CELSR3: variants seen among roughly 807,000 people sequenced by gnomAD.
CELSR3 encodes EGF-like protein 1.
CELSR3 carries 73 observed loss-of-function variants against 270.0 expected under a neutral mutation model. The observed-to-expected ratio is 0.27, with a 90% CI of 0.22 to 0.33. The LOEUF (loss-of-function observed/expected upper bound fraction) is 0.33. Ranked by LOEUF, CELSR3 falls within the 10% of genes least tolerant of loss-of-function variation. The pLI is 1.00. For missense variants in CELSR3, 3,614 were observed against 4,533.8 expected, an observed-to-expected ratio of 0.80 and a Z score of 5.83; for synonymous variants, 1,780 against 1,905.4, an observed-to-expected ratio of 0.93 and a Z score of 1.71.
rs368720098 is a variant in CELSR3 at position 48,646,052 on chromosome 3, C to T, written c.7463+38G>A. ...GGACTATTAGTTGGCCTCCCAAGGG[C>T]TAACGGGACCAAGGGTTTCCAGAAT... On this transcript the variant is annotated intron_variant, in intron 22 of 34. Transcript: ENST00000164024. The surrounding 1 kb of genome is among the most constrained non-coding windows in gnomAD (Gnocchi z 4.8). The T allele has an allele frequency of 6.7e-5, 107 of 1,608,786 alleles. No individual in the cohort carries two copies. Among genetic ancestry groups the T allele is most frequent in the Non-Finnish European group, 8.6e-5 (101 of 1,177,530 alleles).
Position 48,646,688 on chromosome 3 carries a change from C to T in CELSR3, c.7295+75G>A, listed in dbSNP as rs76029109. 99 of 1,438,082 alleles carry T rather than the reference C, an allele frequency of 6.9e-5. No individual in the cohort carries two copies. In the African/African-American group the frequency reaches 1.0e-3, roughly 15 times the overall value. The allele number at this position is 1,438,082 out of a possible 1,614,324, so 89.1% of individuals were successfully genotyped here. On this transcript the variant is annotated intron_variant, in intron 21 of 34. Transcript: ENST00000164024. The surrounding 1 kb of genome is among the most constrained non-coding windows in gnomAD (Gnocchi z 4.8). ...CTCCTCTCTGTGTGTTGTGAACCTA[C>T]GCATCTACCCACCAAAAAAGGGGCT...
Position 48,660,784 on chromosome 3 carries a change from G to A in CELSR3, c.1851C>T (p.Ala617=). 1 of 1,614,160 alleles carries A rather than the reference G, an allele frequency of 6.2e-7. No homozygotes were observed. Among genetic ancestry groups the A allele is most frequent in the South Asian group, 1.1e-5 (1 of 91,088 alleles). ...PLDFEAEREY[A]LRIRAQDAGR... is the part of the protein sequence containing the mutation. ...CAGCATCCTGCGCCCTGATGCGCAA[G>A]GCATACTCTCTCTCTGCCTCGAAGT... The change falls in exon 1 of 35, where the codon GCC becomes GCT. Residue 617 remains alanine (A), a synonymous_variant. Transcript: ENST00000164024. The surrounding 1 kb of genome is among the most constrained non-coding windows in gnomAD (Gnocchi z 5.5).
At position 48,644,670 on chromosome 3, in the gene CELSR3, A is replaced by T; in HGVS notation, c.8085+46T>A. ...TGAGTCCACTGCACCTCCTCCCCCAATGAGGGAGGGAAGTACAGAGGGGGC... is the reference window on the plus strand; with the variant it reads ...TGAGTCCACTGCACCTCCTCCCCCATTGAGGGAGGGAAGTACAGAGGGGGC... On this transcript the variant is annotated intron_variant, in intron 26 of 34. Transcript: ENST00000164024. This position sits in a 1 kb window ranked among gnomAD's most constrained non-coding sequence, Gnocchi z 4.8. The T allele has an allele frequency of 2.1e-6, 3 of 1,441,344 alleles. No homozygotes were observed. Among genetic ancestry groups the T allele is most frequent in the Admixed American group, 1.7e-5 (1 of 58,944 alleles). 89.3% of individuals were successfully genotyped at this position (1,441,344 alleles called of 1,614,324 possible).
chr3:48,656,398 G>A, intron 2 of CELSR3, 33 bp from the exon 3 acceptor site: 1 of 1,387,644 alleles, frequency 7.2e-7, no homozygotes, highest in Non-Finnish European at 9.3e-7. Context: ...AGGCGGTCAC[G>A]CCCACGCCCG....
Position 48,648,382 on chromosome 3 carries a change from C to T in CELSR3, c.6857G>A (p.Gly2286Glu). Residue 2286 changes from glycine (G) to glutamate (E), a missense_variant, in exon 19 of 35, where the codon GGG becomes GAG. Around this residue, in one of 7 missense-constraint regions of CELSR3, gnomAD observed 1,331 missense variants for 1,933.7 expected, o/e 0.69. Coordinates refer to ENST00000164024, the MANE Select transcript of CELSR3 (RefSeq NM_001407.3). Reference sequence around the variant, plus strand: ...CAGTCCCGCGCTGCCTGGGGAGCCCCCAGGGGCCCGCTGCCCCAGCGCCGC... The same window carrying T: ...CAGTCCCGCGCTGCCTGGGGAGCCCTCAGGGGCCCGCTGCCCCAGCGCCGC... The part of the protein sequence containing the change: ...LWAALGQRAP[G>E]GSPGSAGLVR... 1 of 1,611,512 alleles carries T rather than the reference C, an allele frequency of 6.2e-7. No individual in the cohort carries two copies. Among genetic ancestry groups the T allele is most frequent in the Non-Finnish European group, 8.5e-7 (1 of 1,179,500 alleles).
intron 16 of CELSR3, among the ~76,000 whole-genome samples, chr3:48,649,839 G>A (rs190228715): frequency 2.0e-5 from 3 of 152,250 alleles, no homozygotes; most frequent in East Asian, 1.9e-4. Context: ...TCACAGACAC[G>A]TGCACAGGCA....
In CELSR3 at chr3:48,646,037, T is replaced by C; in HGVS notation, c.7463+53A>G. 1 of 1,599,880 alleles carries C rather than the reference T, an allele frequency of 6.3e-7. No individual in the cohort carries two copies. Among genetic ancestry groups the C allele is most frequent in the Non-Finnish European group, 8.5e-7 (1 of 1,171,380 alleles). ...CCCAGGGGAAGGCTGGGACTATTAGTTGGCCTCCCAAGGGCTAACGGGACC... is the reference window on the plus strand; with the variant it reads ...CCCAGGGGAAGGCTGGGACTATTAGCTGGCCTCCCAAGGGCTAACGGGACC... On this transcript the variant is annotated intron_variant, in intron 22 of 34. Coordinates refer to ENST00000164024, the MANE Select transcript of CELSR3 (RefSeq NM_001407.3). This position sits in a 1 kb window ranked among gnomAD's most constrained non-coding sequence, Gnocchi z 4.8.
At position 48,651,354 on chromosome 3, in the gene CELSR3, C is replaced by T. The variant is rs752405672; in HGVS notation, c.6186+5G>A. 6.2e-6 allele frequency: 10 copies of T among 1,613,894 alleles called. No individual in the cohort carries two copies. The highest frequency in any genetic ancestry group is 8.5e-6 in the Non-Finnish European group (10 of 1,179,868). ...AAGGGTTAAAAGGTCAGGGGCCAGG[C>T]GCACCTTGCAGTGACACTGCCCATT... On this transcript the variant is annotated splice_donor_5th_base_variant and intron_variant, in intron 14 of 34. Coordinates refer to ENST00000164024, the MANE Select transcript of CELSR3 (RefSeq NM_001407.3). The surrounding 1 kb of genome is among the most constrained non-coding windows in gnomAD (Gnocchi z 7.4).
intron 20 of CELSR3, 85 bp from the exon 21 acceptor site, chr3:48,647,013 G>A: frequency 7.6e-7 from 1 of 1,321,852 alleles, no homozygotes; most frequent in Non-Finnish European, 1.0e-6. Context: ...ATCAAGCATG[G>A]GGGTCTCTTC....
At position 48,656,232 on chromosome 3, in the gene CELSR3, C is replaced by T. The variant is rs770247363; in HGVS notation, c.4533G>A (p.Pro1511=). Reference sequence around the variant, plus strand: ...AGGAGCGCGCAGCCACCTCGCAGCGCGGGCCCTCGAAGGCGCCGCCTGCCG... The same window carrying T: ...AGGAGCGCGCAGCCACCTCGCAGCGTGGGCCCTCGAAGGCGCCGCCTGCCG... ...QCPAGGAFEG[P]RCEVAARSFP... The change falls in exon 3 of 35, where the codon CCG becomes CCA. Residue 1511 remains proline (P), a synonymous_variant. Transcript: ENST00000164024. 8 of 1,535,258 alleles carry T rather than the reference C, an allele frequency of 5.2e-6. No homozygotes were observed. Among genetic ancestry groups the T allele is most frequent in the Non-Finnish European group, 6.1e-6 (7 of 1,146,638 alleles).
chr3:48,642,683 G>C lies in CELSR3; in HGVS notation c.8555+53C>G, dbSNP rs551673649. Reference sequence around the variant, plus strand: ...GACCTGGTCAGCCAAGCCCTGGTAAGGTGGGGCTGGACTAAGCTGAGTGTT... The same window carrying C: ...GACCTGGTCAGCCAAGCCCTGGTAACGTGGGGCTGGACTAAGCTGAGTGTT... On this transcript the variant is annotated intron_variant, in intron 30 of 34. Transcript: ENST00000164024. This position sits in a 1 kb window ranked among gnomAD's most constrained non-coding sequence, Gnocchi z 6.1. The C allele has an allele frequency of 5.1e-6, 8 of 1,575,666 alleles. No individual in the cohort carries two copies. The African/African-American group carries it at 1.1e-4, about 21-fold the overall frequency.
At chr3:48,638,632 A>G (rs2046994659) in intron 34 of CELSR3, among the ~76,000 whole-genome samples, 1 of 148,442 alleles carries the variant, frequency 6.7e-6, no homozygotes, top group African/African-American at 2.6e-5. Context: ...GGTAAGACAC[A>G]GAGCTCAAAC....
In CELSR3 at chr3:48,640,032, G is replaced by A; in HGVS notation, c.9553C>T (p.Leu3185Phe). 1.2e-6 allele frequency: 2 copies of A among 1,611,442 alleles called. 1 individual carries two copies. The highest frequency in any genetic ancestry group is 2.2e-5 in the South Asian group (2 of 91,060). ...GAGTCCAGCGGCCGGGATGGCAAGA[G>A]GGGGTCCCTTGAGAGTTGCCGCTGG... Reference protein sequence around the residue: ...SPQRQLSRDPLLPSRPLDSLS... With the variant: ...SPQRQLSRDPFLPSRPLDSLS... Residue 3185 changes from leucine to phenylalanine, a missense_variant, in exon 34 of 35, where the codon CTC becomes TTC. Physicochemically the swap from Leu to Phe is conservative, Grantham distance 22. This residue lies in a region of CELSR3 where 1,240 missense variants were observed against 1,351.7 expected (regional missense o/e 0.92). Transcript: ENST00000164024. This position sits in a 1 kb window ranked among gnomAD's most constrained non-coding sequence, Gnocchi z 7.5.
At chr3:48,638,514 C>G (rs891268525) in intron 34 of CELSR3, among the ~76,000 whole-genome samples, 1 of 152,160 alleles carries the variant, frequency 6.6e-6, no homozygotes, top group African/African-American at 2.4e-5. Context: ...CAGATATTAT[C>G]TCATAGATTT....
At position 48,662,563 on chromosome 3, in the gene CELSR3, G is replaced by A. The variant is rs1265371523; in HGVS notation, c.72C>T (p.Leu24=). 9 of 1,574,196 alleles carry A rather than the reference G, an allele frequency of 5.7e-6. No individual in the cohort carries two copies. The East Asian group carries it at 2.0e-4, about 35-fold the overall frequency. ...CCTCCTGGCTGAGGGGGAACAAAGA[G>A]AGGAGAAGGAGCAGGAGTATGGGGG... ...RSTPILLLLL[L]SLFPLSQEEL... is the part of the protein sequence containing the mutation. The change falls in exon 1 of 35, where the codon CTC becomes CTT. Residue 24 remains leucine (L), a synonymous_variant. Coordinates refer to ENST00000164024, the MANE Select transcript of CELSR3 (RefSeq NM_001407.3). The surrounding 1 kb of genome is among the most constrained non-coding windows in gnomAD (Gnocchi z 7.1).
rs201895118 is a variant in CELSR3 at position 48,641,464 on chromosome 3, G to C, written c.8885C>G (p.Pro2962Arg). The change falls in exon 33 of 35, where the codon CCC becomes CGC. Residue 2962 changes from proline to arginine, a missense_variant. This residue lies in a region of CELSR3 where 1,240 missense variants were observed against 1,351.7 expected (regional missense o/e 0.92). Transcript: ENST00000164024. The surrounding 1 kb of genome is among the most constrained non-coding windows in gnomAD (Gnocchi z 4.8). ...WPALGECEAA[P>R]CALQTWGSER... is the part of the protein sequence containing the mutation. ...AGAGCCCCAAGTCTGCAGAGCACAG[G>C]GGGCTGCCTCGCACTCCCCCAGGGC... is the stretch of plus-strand genomic sequence containing the variant. 2.3e-5 allele frequency: 37 copies of C among 1,612,466 alleles called. No individual in the cohort carries two copies. The Middle Eastern group carries it at 5.1e-4, about 22-fold the overall frequency.
Position 48,662,339 on chromosome 3 carries a change from CG to C in CELSR3, c.295del (p.Arg99GlufsTer78). 1 of 1,613,042 alleles carries C rather than the reference CG, an allele frequency of 6.2e-7. No homozygotes were observed. The highest frequency in any genetic ancestry group is 1.1e-5 in the South Asian group (1 of 91,092). Reference sequence around the variant, plus strand: ...CTCATTCGGCTGCTCAGGGGGCCCTCGACTATTCCGGGCGCTTTGCCTTCTC... The same window carrying C: ...CTCATTCGGCTGCTCAGGGGGCCCTCACTATTCCGGGCGCTTTGCCTTCTC... The part of the protein sequence containing the change: ...RGRRQSARNS[R>X]GPPEQPNEEL... On this transcript the variant is annotated frameshift_variant, in exon 1 of 35. Coordinates refer to ENST00000164024, the MANE Select transcript of CELSR3 (RefSeq NM_001407.3). LOFTEE classifies it high-confidence loss of function. The surrounding 1 kb of genome is among the most constrained non-coding windows in gnomAD (Gnocchi z 7.1).
rs2286652 is a variant in CELSR3, at chr3:48,651,759, G to A, written c.5924-41C>T. On this transcript the variant is annotated intron_variant, in intron 12 of 34. Coordinates refer to ENST00000164024, the MANE Select transcript of CELSR3 (RefSeq NM_001407.3). The surrounding 1 kb of genome is among the most constrained non-coding windows in gnomAD (Gnocchi z 7.4). The stretch of plus-strand genomic sequence containing the variant: ...GAAAGCTCAGGATCCTGGTCGCAGA[G>A]CATGGAAGGAAGCAGGCACCCGTCC... 166,797 of 1,534,322 alleles carry A rather than the reference G, an allele frequency of 0.11. 9,234 individuals are homozygous for A. The highest frequency in any genetic ancestry group is 0.13 in the African/African-American group (9,520 of 72,196).
chr3:48,648,559 T>G, intron 18 of CELSR3, 98 bp from the exon 19 acceptor site: 2 of 1,394,414 alleles, frequency 1.4e-6, no homozygotes, highest in Non-Finnish European at 1.9e-6. Context: ...TCAGAGGGGC[T>G]CCAACAGGCA....
Sources: allele counts gnomAD v4.1 joint callset (sites outside exome capture counted in the v4.1 genomes callset), GRCh38; gene constraint gnomAD v4.1.1; regional missense constraint gnomAD v4.1.1; non-coding constraint Gnocchi (gnomAD v3.1); transcripts MANE v1.5; gene names NCBI Gene and HGNC (gene_info 2026-07-23, HGNC 2026-07-21).